MAP2K4: variants seen among roughly 807,000 people sequenced by gnomAD.
MAP2K4 encodes the protein dual specificity mitogen-activated protein kinase kinase 4.
A neutral mutation model predicts 48.5 loss-of-function variants in MAP2K4; 4 were observed. The observed-to-expected ratio is 0.08, with a 90% CI of 0.04 to 0.19. The LOEUF is 0.19. Among genes scored for constraint, MAP2K4 ranks in the 10% least tolerant of loss-of-function variants. The pLI, the probability that MAP2K4 is intolerant of heterozygous loss-of-function variation, is 1.00. For missense variants in MAP2K4, 258 were observed against 493.3 expected (o/e 0.52, Z 4.52); for synonymous variants, 166 against 173.1 (o/e 0.96, Z 0.32).
intron 1 of MAP2K4, among the ~76,000 whole-genome samples, chr17:12,030,346 A>G (rs1164694274): frequency 6.6e-6 from 1 of 152,204 alleles, no homozygotes; most frequent in Non-Finnish European, 1.5e-5. Flanking sequence ...AGTGAGAAAT[A>G]ATGTGGAGAG....
chr17:12,061,031 A>G (rs1970435580), intron 2 of MAP2K4, among the ~76,000 whole-genome samples: 1 of 151,958 alleles, frequency 6.6e-6, no homozygotes, highest in Admixed American at 6.6e-5. Flanking sequence ...TATGAATCTA[A>G]CTACTTTTTA....
At position 12,125,442 on chromosome 17, in the gene MAP2K4, AATCAGAC is replaced by A. The variant is rs1184800474; in HGVS notation, c.891+72_891+78del. ...GAAATTTAGAAGTGAAAGAAAACTT[AATCAGAC>A]TTCCCCGTTCGTTAAGAACTATAAT... On this transcript the variant is annotated intron_variant, in intron 8 of 10. Coordinates refer to ENST00000353533, the MANE Select transcript of MAP2K4 (RefSeq NM_003010.4). 1,618 of 1,222,946 alleles carry A rather than the reference AATCAGAC, an allele frequency of 1.3e-3. 2 individuals carry two copies. The highest frequency in any genetic ancestry group is 1.8e-3 in the Non-Finnish European group (1,489 of 823,320). 75.8% of individuals were successfully genotyped at this position (1,222,946 alleles called of 1,614,324 possible).
At chr17:12,057,083 T>G (rs1970302138) in intron 2 of MAP2K4, among the ~76,000 whole-genome samples, 1 of 152,068 alleles carries the variant, frequency 6.6e-6, no homozygotes, top group African/African-American at 2.4e-5. Flanking sequence ...GCAGGATCCT[T>G]TGCAAGATTA....
intron 7 of MAP2K4, among the ~76,000 whole-genome samples, chr17:12,119,113 G>C (rs1209420534): frequency 1.3e-5 from 2 of 152,156 alleles, no homozygotes. Flanking sequence ...GTGATATTTA[G>C]TGATAATGAG....
Position 12,081,842 on chromosome 17 carries a change from G to A in MAP2K4, c.393+312G>A, listed in dbSNP as rs1259414009. 3.9e-6 allele frequency: 2 copies of A among 513,898 alleles called. No individual in the cohort carries two copies. Among genetic ancestry groups the A allele is most frequent in the East Asian group, 4.9e-5 (1 of 20,498 alleles). The allele number at this position is 513,898 out of a possible 1,614,324, so 31.8% of individuals were successfully genotyped here. On this transcript the variant is annotated intron_variant, in intron 3 of 10. Coordinates refer to ENST00000353533, the MANE Select transcript of MAP2K4 (RefSeq NM_003010.4). This position sits in a 1 kb window ranked among gnomAD's most constrained non-coding sequence, Gnocchi z 4.2. ...AGGCTGGGCGGCTGCACCCCTGGGA[G>A]CAGGGCAGTGCTGCACTGAGCCAGG...
chr17:12,114,280 G>C (rs954025569), intron 7 of MAP2K4, among the ~76,000 whole-genome samples: 1 of 152,222 alleles, frequency 6.6e-6, no homozygotes, highest in African/African-American at 2.4e-5. Context: ...TTTATGAATG[G>C]ATAGGCTTAG....
At position 12,141,328 on chromosome 17, in the gene MAP2K4, C is replaced by T. The variant is rs1173871300; in HGVS notation, c.*68C>T. On this transcript the variant is annotated 3_prime_UTR_variant, in exon 11 of 11. Transcript: ENST00000353533. ...AGCAAGACGTAAAGAATTTTCATCC[C>T]GTATCACAGTGTTTTTATTGCTCGC... 1.0e-5 allele frequency: 11 copies of T among 1,092,476 alleles called. No individual in the cohort carries two copies. The highest frequency in any genetic ancestry group is 1.4e-5 in the Non-Finnish European group (10 of 707,040). The allele number at this position is 1,092,476 out of a possible 1,614,324, so 67.7% of individuals were successfully genotyped here.
At chr17:12,126,997 A>AAT (rs1275286234) in intron 8 of MAP2K4, among the ~76,000 whole-genome samples, 7 of 152,294 alleles carry the variant, frequency 4.6e-5, no homozygotes, top group Non-Finnish European at 7.3e-5. Flanking sequence ...GGTTCAGAGC[A>AAT]ATGGGCTTTT....
intron 4 of MAP2K4, among the ~76,000 whole-genome samples, chr17:12,100,706 A>C (rs748287399): frequency 6.6e-6 from 1 of 152,114 alleles, no homozygotes; most frequent in Non-Finnish European, 1.5e-5. Flanking sequence ...AGCTTCTTCC[A>C]TGTCTATTCC....
chr17:12,063,457 A>C (rs1970515148), intron 2 of MAP2K4, among the ~76,000 whole-genome samples: 1 of 152,214 alleles, frequency 6.6e-6, no homozygotes, highest in African/African-American at 2.4e-5. Flanking sequence ...ATAAATTTTA[A>C]TTTCTACTTC....
intron 3 of MAP2K4, among the ~76,000 whole-genome samples, chr17:12,093,998 A>T (rs573328384): frequency 6.6e-6 from 1 of 152,338 alleles, no homozygotes; most frequent in Non-Finnish European, 1.5e-5. Flanking sequence ...TTGAGCAAAC[A>T]TGCTGAAGTT....
intron 3 of MAP2K4, among the ~76,000 whole-genome samples, chr17:12,088,520 GTAATATA>G (rs902672461): frequency 2.1e-5 from 2 of 97,074 alleles, no homozygotes; most frequent in African/African-American, 6.4e-5. Context: ...TAATATGTAT[GTAATATA>G]TAATATATAT....
At chr17:12,082,364 A>C (rs945157075) in intron 3 of MAP2K4, among the ~76,000 whole-genome samples, 6 of 152,200 alleles carry the variant, frequency 3.9e-5, no homozygotes, top group Non-Finnish European at 8.8e-5. Flanking sequence ...ACAAAGGAAA[A>C]AAAGCTAGCT....
At chr17:12,051,571 G>A (rs920417259) in intron 1 of MAP2K4, among the ~76,000 whole-genome samples, 1 of 152,112 alleles carries the variant, frequency 6.6e-6, no homozygotes, top group Non-Finnish European at 1.5e-5. Flanking sequence ...CACCAAAGGG[G>A]TTATTATAAT....
intron 1 of MAP2K4, among the ~76,000 whole-genome samples, chr17:12,049,109 G>A (rs575574216): frequency 2.6e-5 from 4 of 152,296 alleles, no homozygotes; most frequent in Non-Finnish European, 5.9e-5. Context: ...AGTTGGAATT[G>A]TGGGTTACTC....
chr17:12,066,783 G>C (rs1285285294), intron 2 of MAP2K4, among the ~76,000 whole-genome samples: 1 of 152,200 alleles, frequency 6.6e-6, no homozygotes, highest in Admixed American at 6.5e-5. Flanking sequence ...TCCGCCTTCC[G>C]GGTTCACGCC....
intron 3 of MAP2K4, among the ~76,000 whole-genome samples, chr17:12,089,246 A>G (rs1049626108): frequency 2.6e-5 from 4 of 152,144 alleles, no homozygotes; most frequent in South Asian, 2.1e-4. Context: ...CTTAGATGAT[A>G]GTAGGTGCTT....
intron 2 of MAP2K4, among the ~76,000 whole-genome samples, chr17:12,071,499 A>G (rs1017896023): frequency 6.6e-6 from 1 of 152,154 alleles, no homozygotes; most frequent in Non-Finnish European, 1.5e-5. Flanking sequence ...GAGTACTAAA[A>G]TATTCACTGG....
chr17:12,130,217 CTA>C (rs1162980529), intron 9 of MAP2K4, among the ~76,000 whole-genome samples: 1 of 152,032 alleles, frequency 6.6e-6, no homozygotes, highest in Admixed American at 6.5e-5. Flanking sequence ...ATTTGTTTGA[CTA>C]TAGTTTTTAA....
Sources: allele counts gnomAD v4.1 joint callset (sites outside exome capture counted in the v4.1 genomes callset), GRCh38; gene constraint gnomAD v4.1.1; non-coding constraint Gnocchi (gnomAD v3.1); transcripts MANE v1.5; gene names NCBI Gene and HGNC (gene_info 2026-07-23, HGNC 2026-07-21).